Variants in F13A1 observed in about 807,000 individuals in gnomAD.
F13A1 encodes FSF, A subunit.
Under a neutral mutation model 80.1 loss-of-function variants are expected in F13A1, and 47 were observed. That is an observed-to-expected ratio of 0.59 (90% confidence interval 0.46 to 0.75). F13A1 has a LOEUF of 0.75. Among genes scored for constraint, F13A1 ranks in the 30% least tolerant of loss-of-function variants. The pLI is 0.00. For synonymous variants in F13A1, 349 were observed against 344.9 expected, an observed-to-expected ratio of 1.01 and a Z score of -0.13; for missense variants, 817 against 930.4, an observed-to-expected ratio of 0.88 and a Z score of 1.59.
At chr6:6,314,514 ACACTCATACTCATCCTCTAAGTCTCGGCT>A (rs759606744) in intron 2 of F13A1, among the ~76,000 whole-genome samples, 8 of 152,184 alleles carry the variant, frequency 5.3e-5, no homozygotes, top group Admixed American at 1.3e-4. Context: ...CCTGTCAGGA[ACACTCATACTCATCCTCTAAGTCTCGGCT>A]CCAATATCCT....
At chr6:6,265,777 G>C (rs1331586363) in intron 4 of F13A1, among the ~76,000 whole-genome samples, 1 of 152,174 alleles carries the variant, frequency 6.6e-6, no homozygotes, top group African/African-American at 2.4e-5. Flanking sequence ...AAAGTAGGGG[G>C]ATAGAGAGGT....
intron 11 of F13A1, among the ~76,000 whole-genome samples, chr6:6,179,907 A>G (rs1274791929): frequency 6.6e-6 from 1 of 151,526 alleles, no homozygotes; most frequent in Non-Finnish European, 1.5e-5. Context: ...CAAGCCCCTG[A>G]CTCCTGTTTC....
intron 10 of F13A1, 112 bp downstream of exon 10, chr6:6,195,685 G>A (rs978314554): frequency 1.7e-5 from 15 of 893,962 alleles, no homozygotes; most frequent in South Asian, 2.8e-5. Flanking sequence ...TTGTCAACAC[G>A]AAGCATACGC....
intron 1 of F13A1, 138 bp downstream of exon 1, chr6:6,320,449 G>A (rs1054153228): frequency 3.3e-6 from 1 of 304,592 alleles, no homozygotes; most frequent in African/African-American, 2.2e-5. Flanking sequence ...CGGGAAGCCA[G>A]GATTGGGCAA....
At chr6:6,264,545 C>T (rs1205912520) in intron 4 of F13A1, among the ~76,000 whole-genome samples, 1 of 152,160 alleles carries the variant, frequency 6.6e-6, no homozygotes, top group African/African-American at 2.4e-5. Context: ...GATACTATAT[C>T]CTATTTCCTT....
intron 3 of F13A1, among the ~76,000 whole-genome samples, chr6:6,285,089 CA>C (rs63685062): frequency 0.08 from 12,236 of 152,188 alleles, 592 homozygotes; most frequent in East Asian, 0.16. Context: ...ACTAAAAATA[CA>C]AAAAATAAAT....
intron 6 of F13A1, among the ~76,000 whole-genome samples, chr6:6,232,298 G>A (rs998351540): frequency 2.0e-5 from 3 of 152,154 alleles, no homozygotes; most frequent in Non-Finnish European, 4.4e-5. Context: ...AGCAGGGGTA[G>A]CTATTCTTAT....
chr6:6,284,278 T>C (rs1347947559), intron 3 of F13A1, among the ~76,000 whole-genome samples: 1 of 152,192 alleles, frequency 6.6e-6, no homozygotes, highest in Non-Finnish European at 1.5e-5. Flanking sequence ...TTCACAAATA[T>C]GAAAGTTAGA....
chr6:6,230,047 T>A (rs576405236), intron 6 of F13A1, among the ~76,000 whole-genome samples: 1 of 151,992 alleles, frequency 6.6e-6, no homozygotes, highest in East Asian at 1.9e-4. Flanking sequence ...GAGAAGGAAA[T>A]CTCTAGCTGA....
chr6:6,269,881 T>A (rs537150258), intron 3 of F13A1, among the ~76,000 whole-genome samples: 54 of 152,064 alleles, frequency 3.6e-4, no homozygotes, highest in African/African-American at 1.3e-3. Flanking sequence ...GCCCGGCTAA[T>A]TTTTGTATTT....
intron 14 of F13A1, among the ~76,000 whole-genome samples, chr6:6,147,247 C>T (rs1316839821): frequency 6.6e-6 from 1 of 152,098 alleles, no homozygotes; most frequent in Admixed American, 6.6e-5. Flanking sequence ...GAAACCACCA[C>T]CAAAGAACTT....
At chr6:6,192,221 A>C (rs1761213902) in intron 10 of F13A1, among the ~76,000 whole-genome samples, 1 of 152,206 alleles carries the variant, frequency 6.6e-6, no homozygotes. Flanking sequence ...GTTCAGTTTT[A>C]TTGTAAGGGT....
At chr6:6,173,102 A>C (rs780160068) in intron 12 of F13A1, among the ~76,000 whole-genome samples, 1 of 152,168 alleles carries the variant, frequency 6.6e-6, no homozygotes, top group Non-Finnish European at 1.5e-5. Flanking sequence ...GCTCTAACTC[A>C]TTCTCTGCCT....
chr6:6,174,774 T>A lies in F13A1; in HGVS notation c.1553A>T (p.Asn518Ile). Residue 518 changes from asparagine to isoleucine, a missense_variant, in exon 12 of 15, where the codon AAC (asparagine) becomes ATC (isoleucine). Physicochemically the swap from Asn to Ile is moderately radical, Grantham distance 149. Coordinates refer to ENST00000264870, the MANE Select transcript of F13A1 (RefSeq NM_000129.4). ...NTEGVMKSRS[N>I]VDMDFEVENA... ...TTCCACTTCAAAGTCCATGTCAACGTTGGACCTTGATTTCATGACACCTTC... is the reference window on the plus strand; with the variant it reads ...TTCCACTTCAAAGTCCATGTCAACGATGGACCTTGATTTCATGACACCTTC... 8.7e-6 allele frequency: 14 copies of A among 1,614,214 alleles called. No homozygotes were observed. Among genetic ancestry groups the A allele is most frequent in the Non-Finnish European group, 1.2e-5 (14 of 1,180,028 alleles).
chr6:6,231,645 A>G (rs944190287), intron 6 of F13A1, among the ~76,000 whole-genome samples: 2 of 152,238 alleles, frequency 1.3e-5, no homozygotes, highest in African/African-American at 4.8e-5. Context: ...CAAAGTTAAG[A>G]CAAAGAAAAG....
At chr6:6,297,404 G>A (rs1758347232) in intron 3 of F13A1, among the ~76,000 whole-genome samples, 1 of 150,588 alleles carries the variant, frequency 6.6e-6, no homozygotes, top group Admixed American at 6.6e-5. Context: ...GTAAGCTATT[G>A]ATCATTGCCA....
At chr6:6,190,769 G>C (rs1283245988) in intron 10 of F13A1, among the ~76,000 whole-genome samples, 5 of 152,122 alleles carry the variant, frequency 3.3e-5, no homozygotes, top group Non-Finnish European at 7.4e-5. Context: ...GAGCTTCCTG[G>C]CTGCTTTGTT....
intron 3 of F13A1, among the ~76,000 whole-genome samples, chr6:6,303,172 T>C (rs1758460122): frequency 1.3e-5 from 2 of 152,202 alleles, no homozygotes; most frequent in South Asian, 2.1e-4. Context: ...ATATTTTTCA[T>C]AGTATGTTCT....
chr6:6,281,613 A>C (rs1449412982), intron 3 of F13A1, among the ~76,000 whole-genome samples: 1 of 152,222 alleles, frequency 6.6e-6, no homozygotes, highest in Non-Finnish European at 1.5e-5. Flanking sequence ...ATTTTGTTAC[A>C]ACAGCAACAT....
Sources: allele counts gnomAD v4.1 joint callset (sites outside exome capture counted in the v4.1 genomes callset), GRCh38; gene constraint gnomAD v4.1.1; transcripts MANE v1.5; gene names NCBI Gene and HGNC (gene_info 2026-07-23, HGNC 2026-07-21).